Variants in FCHSD2 observed in about 807,000 individuals in gnomAD.
FCHSD2 encodes the protein F-BAR and double SH3 domains protein 2.
Under a neutral mutation model 108.1 loss-of-function variants are expected in FCHSD2, and 38 were observed. The observed-to-expected ratio is 0.35, with a 90% CI of 0.27 to 0.46. The LOEUF is 0.46. Ranked by LOEUF, FCHSD2 falls within the 20% of genes least tolerant of loss-of-function variation. The probability of loss-of-function intolerance (pLI) is 1.00; values close to 1 mark genes in which losing one functional copy is unlikely to be tolerated. For missense variants in FCHSD2, 751 were observed against 897.8 expected (o/e 0.84, Z 2.09); for synonymous variants, 279 against 314.7 (o/e 0.89, Z 1.20).
intron 2 of FCHSD2, among the ~76,000 whole-genome samples, chr11:73,092,895 T>C (rs1859989901): frequency 6.6e-6 from 1 of 152,176 alleles, no homozygotes; most frequent in South Asian, 2.1e-4. Context: ...CCTTGGAATA[T>C]CTTGCCTGAC....
chr11:73,138,961 G>A (rs1861185152), intron 2 of FCHSD2, among the ~76,000 whole-genome samples: 1 of 152,126 alleles, frequency 6.6e-6, no homozygotes. Context: ...ATAAGGGAAG[G>A]AAGACAAATA....
chr11:72,900,490 T>C (rs957180441), intron 10 of FCHSD2, among the ~76,000 whole-genome samples: 1 of 152,174 alleles, frequency 6.6e-6, no homozygotes, highest in Non-Finnish European at 1.5e-5. Context: ...GTCACTGTTA[T>C]TCTGATTTTT....
At chr11:73,097,210 C>T (rs752418144) in intron 2 of FCHSD2, among the ~76,000 whole-genome samples, 2 of 150,736 alleles carry the variant, frequency 1.3e-5, no homozygotes, top group Non-Finnish European at 3.0e-5. Context: ...CACCATGCTG[C>T]CCAGGCTGGT....
chr11:73,043,316 T>C (rs935179906), intron 3 of FCHSD2, among the ~76,000 whole-genome samples: 4 of 152,336 alleles, frequency 2.6e-5, no homozygotes, highest in East Asian at 1.9e-4. Flanking sequence ...CTCGGTCAAG[T>C]AGTGAAGATA....
chr11:73,127,927 C>G (rs999997771), intron 2 of FCHSD2, among the ~76,000 whole-genome samples: 2 of 150,426 alleles, frequency 1.3e-5, no homozygotes, highest in Admixed American at 1.3e-4. Context: ...GAAGCACCGT[C>G]TCTACTAAAA....
chr11:73,040,974 T>C (rs1266192635), intron 3 of FCHSD2, among the ~76,000 whole-genome samples: 1 of 152,146 alleles, frequency 6.6e-6, no homozygotes, highest in Admixed American at 6.5e-5. Context: ...AGTGAGAACA[T>C]GTGATATTTG....
At chr11:72,942,764 G>C (rs1200995698) in intron 8 of FCHSD2, among the ~76,000 whole-genome samples, 1 of 152,102 alleles carries the variant, frequency 6.6e-6, no homozygotes. Flanking sequence ...GGCTCTCCTA[G>C]AGGATGTGAA....
At chr11:73,116,542 G>T (rs1310577390) in intron 2 of FCHSD2, among the ~76,000 whole-genome samples, 2 of 150,446 alleles carry the variant, frequency 1.3e-5, no homozygotes, top group Non-Finnish European at 3.0e-5. Flanking sequence ...TTTCGTTTTT[G>T]TTTTTTTTTC....
chr11:72,970,140 T>A (rs1314132531), intron 8 of FCHSD2, among the ~76,000 whole-genome samples: 1 of 152,182 alleles, frequency 6.6e-6, no homozygotes, highest in Non-Finnish European at 1.5e-5. Flanking sequence ...AAATGACTGA[T>A]AAAGCAAGAA....
Position 73,016,488 on chromosome 11 carries a change from C to T in FCHSD2, c.166-603G>A, listed in dbSNP as rs548158733. Among the ~76,000 whole-genome samples the T allele has an allele frequency of 9.2e-5, 14 of 152,250 alleles. No homozygotes were observed. In the South Asian group the frequency reaches 2.9e-3, roughly 32 times the overall value. On this transcript the variant is annotated intron_variant, in intron 3 of 19. Transcript: ENST00000409418. ...TGAAACTTCATTGATATGCCTTTCA[C>T]TTTTAACTATTTGACTAGCCATAAA...
At chr11:72,967,497 A>C (rs1352415963) in intron 8 of FCHSD2, among the ~76,000 whole-genome samples, 1 of 152,214 alleles carries the variant, frequency 6.6e-6, no homozygotes, top group Non-Finnish European at 1.5e-5. Context: ...ATGCAAAGTG[A>C]AACAGTCTAG....
chr11:73,139,995 A>T, intron 2 of FCHSD2, 36 bp downstream of exon 2: 1 of 1,189,352 alleles, frequency 8.4e-7, no homozygotes, highest in Non-Finnish European at 1.2e-6. Context: ...TGAAACAGAC[A>T]AACAGAAGTC....
chr11:73,032,815 T>C (rs1223016648), intron 3 of FCHSD2, among the ~76,000 whole-genome samples: 1 of 151,826 alleles, frequency 6.6e-6, no homozygotes, highest in Non-Finnish European at 1.5e-5. Context: ...ATGGAGCTTG[T>C]AAAAGGGAGA....
chr11:73,016,478 A>G (rs1857978289), intron 3 of FCHSD2, among the ~76,000 whole-genome samples: 1 of 152,182 alleles, frequency 6.6e-6, no homozygotes, highest in South Asian at 2.1e-4. Flanking sequence ...CTTCATTGAT[A>G]TGCCTTTCAC....
chr11:73,012,312 G>T (rs1857880499), intron 4 of FCHSD2, among the ~76,000 whole-genome samples: 1 of 152,040 alleles, frequency 6.6e-6, no homozygotes, highest in Non-Finnish European at 1.5e-5. Context: ...AGTTCTGTTA[G>T]AAACAACAAA....
At chr11:72,904,476 T>G (rs1855588393) in intron 9 of FCHSD2, among the ~76,000 whole-genome samples, 1 of 152,304 alleles carries the variant, frequency 6.6e-6, no homozygotes, top group Admixed American at 6.5e-5. Context: ...TCACCCAGTT[T>G]CCAAAACATC....
chr11:72,928,117 G>C (rs7101936), intron 8 of FCHSD2, among the ~76,000 whole-genome samples: 151,747 of 152,286 alleles, frequency 1, 75,605 homozygotes, highest in Middle Eastern at 1. Flanking sequence ...GCCACATATT[G>C]ATAATGGTTA....
intron 12 of FCHSD2, chr11:72,869,594 A>G (rs928619670): frequency 1.3e-5 from 2 of 151,998 alleles, no homozygotes; most frequent in Non-Finnish European, 2.9e-5. Context: ...CATAGGGGCC[A>G]TGCTAATCTT....
chr11:73,019,532 A>G (rs1353033211), intron 3 of FCHSD2, among the ~76,000 whole-genome samples: 1 of 152,164 alleles, frequency 6.6e-6, no homozygotes, highest in Non-Finnish European at 1.5e-5. Context: ...CTAAACCACA[A>G]AGCTAAACTG....
Sources: gnomAD v4.1 joint callset for allele counts (sites outside exome capture counted in the v4.1 genomes callset) on GRCh38, gnomAD v4.1.1 for gene constraint, MANE v1.5 for transcripts, NCBI Gene and HGNC (gene_info 2026-07-23, HGNC 2026-07-21) for gene names.